Variants in NFIB observed in about 807,000 individuals in gnomAD.
The protein encoded by NFIB is nuclear factor I B, also known as nuclear factor 1 B-type.
A neutral mutation model predicts 61.5 loss-of-function variants in NFIB; 11 were observed. That is an observed-to-expected ratio of 0.18 (90% confidence interval 0.11 to 0.30). The LOEUF (loss-of-function observed/expected upper bound fraction) is 0.30, where lower values mean the gene tolerates loss of function less well. NFIB is among the 10% of genes least tolerant of loss of function. The pLI is 1.00. For missense variants in NFIB, 471 were observed against 608.9 expected, an observed-to-expected ratio of 0.77 and a Z score of 2.38; for synonymous variants, 260 against 216.5, an observed-to-expected ratio of 1.20 and a Z score of -1.76.
intron 2 of NFIB, among the ~76,000 whole-genome samples, chr9:14,248,256 C>CCCTT (rs1563942254): frequency 6.6e-6 from 1 of 151,172 alleles, no homozygotes; most frequent in African/African-American, 2.4e-5. Flanking sequence ...ACCTAAACTG[C>CCCTT]CCTTCCTTCC....
intron 2 of NFIB, among the ~76,000 whole-genome samples, chr9:14,259,622 C>T (rs994941771): frequency 1.3e-5 from 2 of 152,056 alleles, no homozygotes; most frequent in Non-Finnish European, 2.9e-5. Context: ...TATTGGTGGC[C>T]GGGCGCAGTG....
At chr9:14,471,167 A>C in the NFIB span, among the ~76,000 whole-genome samples, 5 of 152,274 alleles carry the variant, frequency 3.3e-5, no homozygotes, top group African/African-American at 9.6e-5. Context: ...CGTAGGAAGC[A>C]ACAATCTCAA....
chr9:14,157,070 T>C (rs2043508915), intron 3 of NFIB, among the ~76,000 whole-genome samples: 1 of 152,136 alleles, frequency 6.6e-6, no homozygotes, highest in African/African-American at 2.4e-5. Context: ...TTGCCTCAGA[T>C]TCCTCACTTA....
rs1037637176 is a variant in NFIB at position 14,102,910 on chromosome 9, A to G, written c.1467+10089T>C. On this transcript the variant is annotated intron_variant, in intron 10 of 10. Transcript: ENST00000380953. ...ATAATCTGCACTGAATAAAATAATC[A>G]ATAACTTTAAGCATGCAGTTTGCAA... Among the ~76,000 whole-genome samples the G allele has an allele frequency of 3.9e-5, 6 of 152,314 alleles. No homozygotes were observed. The South Asian group carries it at 1.0e-3, about 26-fold the overall frequency.
At chr9:14,481,483 A>G in the NFIB span, among the ~76,000 whole-genome samples, 7 of 151,762 alleles carry the variant, frequency 4.6e-5, no homozygotes, top group African/African-American at 1.7e-4. Context: ...AAAACAAGAC[A>G]AGGGTGACTC....
the NFIB span, among the ~76,000 whole-genome samples, chr9:14,474,045 G>A: frequency 6.6e-6 from 1 of 152,106 alleles, no homozygotes. Context: ...ATACTACAAG[G>A]ATTTTATCAG....
chr9:14,388,575 T>G (rs1756481587), intron 1 of NFIB, among the ~76,000 whole-genome samples: 1 of 151,932 alleles, frequency 6.6e-6, no homozygotes, highest in Non-Finnish European at 1.5e-5. Context: ...GCTATGATAC[T>G]CAGTGTACAA....
chr9:14,521,555 A>G, the NFIB span, among the ~76,000 whole-genome samples: 1 of 139,422 alleles, frequency 7.2e-6, no homozygotes, highest in Non-Finnish European at 1.5e-5. Flanking sequence ...TAATAATAAG[A>G]TAATATATGC....
chr9:14,475,557 C>T, the NFIB span, among the ~76,000 whole-genome samples: 1 of 152,106 alleles, frequency 6.6e-6, no homozygotes. Flanking sequence ...TGCTCTCCTC[C>T]TTGACCCCTG....
chr9:14,389,747 C>T (rs908290689), intron 1 of NFIB, among the ~76,000 whole-genome samples: 3 of 141,200 alleles, frequency 2.1e-5, no homozygotes, highest in South Asian at 4.3e-4. Flanking sequence ...CCCAGCATTT[C>T]CACCCCCAAA....
chr9:14,357,422 A>C (rs527461715), intron 1 of NFIB: 7 of 152,350 alleles, frequency 4.6e-5, no homozygotes, highest in African/African-American at 1.7e-4. Flanking sequence ...TGCAAAGGGA[A>C]TTCAGTCACC....
intron 1 of NFIB, among the ~76,000 whole-genome samples, chr9:14,389,045 T>C (rs2061589219): frequency 6.6e-6 from 1 of 152,214 alleles, no homozygotes; most frequent in African/African-American, 2.4e-5. Flanking sequence ...GATCATAGTG[T>C]GTAGCTTTGG....
At chr9:14,374,344 G>A (rs1379699026) in intron 1 of NFIB, among the ~76,000 whole-genome samples, 1 of 152,186 alleles carries the variant, frequency 6.6e-6, no homozygotes, top group Non-Finnish European at 1.5e-5. Context: ...ACATAATGGA[G>A]TTATTTTAAA....
intron 1 of NFIB, among the ~76,000 whole-genome samples, chr9:14,359,797 A>T (rs1279066014): frequency 6.6e-6 from 1 of 152,086 alleles, no homozygotes; most frequent in African/African-American, 2.4e-5. Flanking sequence ...TTGCTACTAG[A>T]TATACCTATG....
rs139000114 is a variant in NFIB at position 14,203,615 on chromosome 9, T to G, written c.563-23835A>C. Among the ~76,000 whole-genome samples, 181 of 152,326 alleles carry G rather than the reference T, an allele frequency of 1.2e-3. 2 individuals are homozygous for G. The highest frequency in any genetic ancestry group is 1.5e-3 in the Non-Finnish European group (105 of 68,030). ...GATCTAAAATGGCTGCCAAGCGGCC[T>G]CCTGAAATGTCGCCGGCCTGGGCCC... On this transcript the variant is annotated intron_variant, in intron 2 of 10. Coordinates refer to ENST00000380953, the MANE Select transcript of NFIB (RefSeq NM_001190737.2).
chr9:14,395,307 C>CAA (rs756342314), intron 1 of NFIB, among the ~76,000 whole-genome samples: 4 of 86,190 alleles, frequency 4.6e-5, no homozygotes, highest in Non-Finnish European at 1.0e-4. Flanking sequence ...TCGGGACAGC[C>CAA]AAAAAAAAAA....
chr9:14,505,381 G>C, the NFIB span, among the ~76,000 whole-genome samples: 2 of 152,176 alleles, frequency 1.3e-5, no homozygotes, highest in Admixed American at 1.3e-4. Context: ...GAATAACTTA[G>C]GGAGGATTCC....
chr9:14,337,420 A>G (rs1158762839), intron 1 of NFIB, among the ~76,000 whole-genome samples: 1 of 152,252 alleles, frequency 6.6e-6, no homozygotes. Flanking sequence ...AAGCAAGGAA[A>G]TGATGGTGAG....
At chr9:14,326,478 A>T in intron 1 of NFIB, among the ~76,000 whole-genome samples, 1 of 152,170 alleles carries the variant, frequency 6.6e-6, no homozygotes, top group East Asian at 1.9e-4. Context: ...CACTAACTAC[A>T]TGCTGCACCT....
Sources: gnomAD v4.1 joint callset for allele counts (sites outside exome capture counted in the v4.1 genomes callset) on GRCh38, gnomAD v4.1.1 for gene constraint, MANE v1.5 for transcripts, NCBI Gene and HGNC (gene_info 2026-07-23, HGNC 2026-07-21) for gene names.